ZNF644: variants seen among roughly 807,000 people sequenced by gnomAD.
The protein encoded by ZNF644 is zinc finger motif enhancer binding protein 2.
ZNF644 carries 20 observed loss-of-function variants against 108.0 expected under a neutral mutation model. The ratio of observed to expected loss-of-function variants is 0.19; its 90% CI spans 0.13 to 0.27. ZNF644 has a LOEUF of 0.27. Among genes scored for constraint, ZNF644 ranks in the 10% least tolerant of loss-of-function variants. The pLI is 1.00. For missense variants in ZNF644, 1,338 were observed against 1,548.9 expected (o/e 0.86, Z 2.29); for synonymous variants, 542 against 539.1 (o/e 1.01, Z -0.08).
chr1:90,971,187 G>A (rs1655431249), intron 2 of ZNF644, among the ~76,000 whole-genome samples: 1 of 148,766 alleles, frequency 6.7e-6, no homozygotes, highest in Non-Finnish European at 1.5e-5. Flanking sequence ...TACACCGTAA[G>A]CAAATGAGAT....
At chr1:90,978,353 A>T (rs1440774631) in intron 2 of ZNF644, among the ~76,000 whole-genome samples, 1 of 108,924 alleles carries the variant, frequency 9.2e-6, no homozygotes, top group African/African-American at 3.0e-5. Context: ...ACTTTGTCTT[A>T]AAAAAAAAAA....
chr1:90,961,394 T>A (rs993983490), intron 2 of ZNF644, among the ~76,000 whole-genome samples: 5 of 152,152 alleles, frequency 3.3e-5, no homozygotes, highest in Admixed American at 2.0e-4. Context: ...GTCTGAAAAG[T>A]GTGAGTTGTG....
chr1:91,006,882 TAAC>T, intron 1 of ZNF644, among the ~76,000 whole-genome samples: 1 of 152,198 alleles, frequency 6.6e-6, no homozygotes, highest in African/African-American at 2.4e-5. Context: ...GTAAATATTC[TAAC>T]AACCTCATGT....
At chr1:90,987,227 T>A in intron 1 of ZNF644, among the ~76,000 whole-genome samples, 1 of 133,690 alleles carries the variant, frequency 7.5e-6, no homozygotes, top group African/African-American at 2.8e-5. Context: ...AGAAAAAAAC[T>A]CAATGAAACC....
chr1:90,952,171 C>T (rs1332191384), intron 2 of ZNF644, among the ~76,000 whole-genome samples: 1 of 152,190 alleles, frequency 6.6e-6, no homozygotes, highest in Non-Finnish European at 1.5e-5. Context: ...GCCATTTTTA[C>T]TGACAAAGGG....
chr1:90,974,291 T>C (rs1226644011), intron 2 of ZNF644, among the ~76,000 whole-genome samples: 1 of 151,936 alleles, frequency 6.6e-6, no homozygotes, highest in Non-Finnish European at 1.5e-5. Context: ...ATTGCGCCAC[T>C]GCACTCCAGC....
At position 90,962,044 on chromosome 1, in the gene ZNF644, G is replaced by A. The variant is rs557372377; in HGVS notation, c.44+20266C>T. Among the ~76,000 whole-genome samples, 3 of 152,114 alleles carry A rather than the reference G, an allele frequency of 2.0e-5. No individual in the cohort carries two copies. The East Asian group carries it at 5.8e-4, about 29-fold the overall frequency. ...AAAGTTATTTTAAAAAGTTCAAAGG[G>A]ATCCTGAGAAGAAAGAATTTCAGTC... is the stretch of plus-strand genomic sequence containing the variant. On this transcript the variant is annotated intron_variant, in intron 2 of 5. Coordinates refer to ENST00000337393, the MANE Select transcript of ZNF644 (RefSeq NM_201269.3).
At chr1:90,949,979 C>A (rs1652915519) in intron 2 of ZNF644, among the ~76,000 whole-genome samples, 1 of 151,700 alleles carries the variant, frequency 6.6e-6, no homozygotes, top group Non-Finnish European at 1.5e-5. Context: ...TTTATTGATT[C>A]AAAAAAATAG....
rs1248112573 is a variant in ZNF644 at position 90,938,964 on chromosome 1, G to C, written c.2390C>G (p.Pro797Arg). 1.2e-6 allele frequency: 2 copies of C among 1,613,956 alleles called. No homozygotes were observed. Among genetic ancestry groups the C allele is most frequent in the East Asian group, 4.5e-5 (2 of 44,870 alleles). ...SDPHKPDAKRPESFKDHRRVA... is the reference protein window; with the variant it reads ...SDPHKPDAKRRESFKDHRRVA... ...ACGTCTGTGATCTTTGAAGCTTTCA[G>C]GCCTTTTGGCGTCAGGCTTATGAGG... Residue 797 changes from proline (P) to arginine (R), a missense_variant, in exon 3 of 6, where the codon CCT (proline) becomes CGT (arginine). Physicochemically the swap from Pro to Arg is moderately radical, Grantham distance 103 (BLOSUM62 -2). This residue lies in a region of ZNF644 where 462 missense variants were observed against 472.6 expected (regional missense o/e 0.98). Coordinates refer to ENST00000337393, the MANE Select transcript of ZNF644 (RefSeq NM_201269.3). The surrounding 1 kb of genome is among the most constrained non-coding windows in gnomAD (Gnocchi z 4.2).
Position 90,938,648 on chromosome 1 carries a change from A to T in ZNF644, c.2706T>A (p.Pro902=). 6.2e-7 allele frequency: 1 copy of T among 1,610,364 alleles called. No homozygotes were observed. ...LFKSKVEGQE[P]GENATLSYDQ... is the part of the protein sequence containing the mutation. The stretch of plus-strand genomic sequence containing the variant: ...CATAACTAAGAGTAGCATTTTCTCC[A>T]GGCTCCTGACCTTCCACTTTGCTCT... Residue 902 remains proline, a synonymous_variant, in exon 3 of 6, where the codon CCT becomes CCA. Coordinates refer to ENST00000337393, the MANE Select transcript of ZNF644 (RefSeq NM_201269.3). This position sits in a 1 kb window ranked among gnomAD's most constrained non-coding sequence, Gnocchi z 4.2.
intron 2 of ZNF644, 28 bp downstream of exon 2, chr1:90,982,282 A>G (rs36016514): frequency 6.3e-7 from 1 of 1,576,440 alleles, no homozygotes; most frequent in Non-Finnish European, 8.7e-7. Flanking sequence ...CTTGATATGT[A>G]CATTTAACAA....
chr1:90,976,157 C>G (rs1655987931), intron 2 of ZNF644, among the ~76,000 whole-genome samples: 1 of 151,950 alleles, frequency 6.6e-6, no homozygotes, highest in Non-Finnish European at 1.5e-5. Context: ...TAGTTCATGC[C>G]CCCTCTGCCC....
chr1:90,920,975 C>A (rs951913214), intron 4 of ZNF644, among the ~76,000 whole-genome samples: 2 of 151,976 alleles, frequency 1.3e-5, no homozygotes, highest in Non-Finnish European at 2.9e-5. Flanking sequence ...AATATCCAAA[C>A]CCACTCCTGT....
chr1:91,017,731 G>C (rs1306414764), intron 1 of ZNF644, among the ~76,000 whole-genome samples: 1 of 152,178 alleles, frequency 6.6e-6, no homozygotes, highest in Non-Finnish European at 1.5e-5. Context: ...GGAGGCCAAG[G>C]CGGGTGAATC....
chr1:90,935,592 TAA>T (rs1279699624), intron 4 of ZNF644: 1 of 975,296 alleles, frequency 1.0e-6, no homozygotes, highest in Non-Finnish European at 1.2e-6. Flanking sequence ...TTTCTTAGCT[TAA>T]AGAGTGTAGA....
chr1:91,007,477 G>A (rs1387895668), intron 1 of ZNF644, among the ~76,000 whole-genome samples: 2 of 151,822 alleles, frequency 1.3e-5, no homozygotes, highest in Non-Finnish European at 2.9e-5. Flanking sequence ...ACCACCCAAA[G>A]TGCTGGGATT....
At chr1:91,011,994 G>A (rs1224363831) in intron 1 of ZNF644, among the ~76,000 whole-genome samples, 6 of 152,006 alleles carry the variant, frequency 3.9e-5, no homozygotes, top group Non-Finnish European at 4.4e-5. Flanking sequence ...CTATGTTATC[G>A]GTGGAGGCAA....
intron 1 of ZNF644, among the ~76,000 whole-genome samples, chr1:91,011,908 A>G (rs1443001856): frequency 2.0e-5 from 3 of 152,172 alleles, no homozygotes; most frequent in African/African-American, 7.2e-5. Context: ...CTATATAAGG[A>G]GGCAATCCAC....
At chr1:90,927,078 C>T (rs889179569) in intron 4 of ZNF644, among the ~76,000 whole-genome samples, 1 of 152,066 alleles carries the variant, frequency 6.6e-6, no homozygotes, top group Non-Finnish European at 1.5e-5. Flanking sequence ...CTCTTCCCCA[C>T]CCCGACCCCC....
Sources: gnomAD v4.1 joint callset for allele counts (sites outside exome capture counted in the v4.1 genomes callset) on GRCh38, gnomAD v4.1.1 for gene constraint, gnomAD v4.1.1 regional missense constraint, Gnocchi (gnomAD v3.1) non-coding constraint, MANE v1.5 for transcripts, NCBI Gene and HGNC (gene_info 2026-07-23, HGNC 2026-07-21) for gene names.